The following TULP4 variants were observed in gnomAD, a reference collection of about 807,000 sequenced individuals.
TULP4 encodes TUB like protein 4, also known as tubby-related protein 4.
TULP4 carries 16 observed loss-of-function variants against 129.0 expected under a neutral mutation model. The ratio of observed to expected loss-of-function variants is 0.12; its 90% CI spans 0.08 to 0.19. The LOEUF (loss-of-function observed/expected upper bound fraction) is 0.19. TULP4 is among the 10% of genes least tolerant of loss of function. The pLI is 1.00. For synonymous variants in TULP4, 998 were observed against 854.0 expected (o/e 1.17, Z -2.94); for missense variants, 1,842 against 2,059.1 (o/e 0.89, Z 2.04).
chr6:158,264,884 G>A (rs6456148), intron 1 of TULP4, among the ~76,000 whole-genome samples: 59,692 of 151,932 alleles, frequency 0.39, 12,136 homozygotes, highest in Admixed American at 0.48. Context: ...ATGTGGAGCC[G>A]GGGGAGCTCC....
chr6:158,477,037 T>C (rs961071542), intron 6 of TULP4, among the ~76,000 whole-genome samples: 1 of 152,264 alleles, frequency 6.6e-6, no homozygotes, highest in Admixed American at 6.5e-5. Flanking sequence ...ACGGATGCAG[T>C]GAATTCAGGT....
intron 1 of TULP4, among the ~76,000 whole-genome samples, chr6:158,254,020 T>C (rs9356544): frequency 0.33 from 49,684 of 151,142 alleles, 9,134 homozygotes; most frequent in Admixed American, 0.45. Flanking sequence ...GCCTGGGTGA[T>C]AGAGCAAGAC....
chr6:158,431,933 C>T (rs1778637762), intron 3 of TULP4, among the ~76,000 whole-genome samples: 1 of 151,824 alleles, frequency 6.6e-6, no homozygotes, highest in African/African-American at 2.4e-5. Flanking sequence ...CTTTTACTAA[C>T]AGGTGGGATT....
chr6:158,377,682 G>A (rs186133539), intron 1 of TULP4, among the ~76,000 whole-genome samples: 29 of 152,244 alleles, frequency 1.9e-4, no homozygotes, highest in Non-Finnish European at 2.5e-4. Context: ...TGACTTCTGC[G>A]TGACCACATT....
rs376134920 is a variant in TULP4, at chr6:158,459,384, C to T, written c.860-2179C>T. Among the ~76,000 whole-genome samples the T allele has an allele frequency of 6.6e-5, 10 of 151,804 alleles. 1 individual carries two copies. Among genetic ancestry groups the T allele is most frequent in the African/African-American group, 2.2e-4 (9 of 41,350 alleles). ...GGCGGAGGTTGCAGTGAGCCGAGAT[C>T]GCGCCATTGTACTCCAGCCTGGGCA... On this transcript the variant is annotated intron_variant, in intron 5 of 13. Coordinates refer to ENST00000367097, the MANE Select transcript of TULP4 (RefSeq NM_020245.5).
At chr6:158,344,202 C>T (rs1780249814) in intron 1 of TULP4, among the ~76,000 whole-genome samples, 1 of 152,196 alleles carries the variant, frequency 6.6e-6, no homozygotes. Context: ...ACCACCTATC[C>T]CAAAACCTAT....
At chr6:158,368,851 A>G (rs2058606380) in intron 1 of TULP4, among the ~76,000 whole-genome samples, 1 of 152,182 alleles carries the variant, frequency 6.6e-6, no homozygotes, top group African/African-American at 2.4e-5. Flanking sequence ...GAAATTTAAC[A>G]TTTTTAATCT....
chr6:158,303,608 G>C (rs1302002390), intron 1 of TULP4, among the ~76,000 whole-genome samples: 2 of 152,230 alleles, frequency 1.3e-5, no homozygotes, highest in South Asian at 4.1e-4. Flanking sequence ...CTACTGGTAA[G>C]GGTCTCTGTT....
Position 158,502,733 on chromosome 6 carries a change from A to G in TULP4, c.3070A>G (p.Thr1024Ala), listed in dbSNP as rs1780489404. 3 of 1,575,738 alleles carry G rather than the reference A, an allele frequency of 1.9e-6. No homozygotes were observed. The highest frequency in any genetic ancestry group is 1.7e-6 in the Non-Finnish European group (2 of 1,164,288). Reference protein sequence around the residue: ...KSKGGPGGVVTQLPARPPPAL... With the variant: ...KSKGGPGGVVAQLPARPPPAL... Reference sequence around the variant, plus strand: ...CAAGGGCGGGCCCGGGGGGGTGGTGACACAGCTCCCAGCGCGGCCCCCACC... The same window carrying G: ...CAAGGGCGGGCCCGGGGGGGTGGTGGCACAGCTCCCAGCGCGGCCCCCACC... The change falls in exon 13 of 14, where the codon ACA becomes GCA. Residue 1024 changes from threonine to alanine, a missense_variant. Around this residue, in one of 5 missense-constraint regions of TULP4, gnomAD observed 1,089 missense variants for 987.1 expected, o/e 1.10. Coordinates refer to ENST00000367097, the MANE Select transcript of TULP4 (RefSeq NM_020245.5).
At chr6:158,432,538 T>G (rs747626654) in intron 3 of TULP4, among the ~76,000 whole-genome samples, 9 of 152,202 alleles carry the variant, frequency 5.9e-5, no homozygotes, top group Non-Finnish European at 1.2e-4. Flanking sequence ...TAGTGGGATT[T>G]TAGGCTACTT....
chr6:158,317,146 G>A (rs1354083468), intron 1 of TULP4, among the ~76,000 whole-genome samples: 3 of 150,466 alleles, frequency 2.0e-5, no homozygotes, highest in African/African-American at 4.9e-5. Flanking sequence ...TGCTGAAACT[G>A]TTTTGCATGA....
intron 8 of TULP4, among the ~76,000 whole-genome samples, chr6:158,483,607 C>T (rs1483226765): frequency 6.6e-6 from 1 of 152,162 alleles, no homozygotes; most frequent in Non-Finnish European, 1.5e-5. Flanking sequence ...ACCACCATGC[C>T]TGTCCCCAAA....
intron 1 of TULP4, among the ~76,000 whole-genome samples, chr6:158,293,961 A>G (rs827869): frequency 0.13 from 20,242 of 152,190 alleles, 1,712 homozygotes; most frequent in African/African-American, 0.23. Flanking sequence ...AATTTGAACC[A>G]GCCTCGGGGC....
At chr6:158,463,494 T>C (rs1779488251) in intron 6 of TULP4, among the ~76,000 whole-genome samples, 1 of 151,642 alleles carries the variant, frequency 6.6e-6, no homozygotes, top group Admixed American at 6.6e-5. Flanking sequence ...CAGGGCCTGT[T>C]GTAGGGTGGG....
intron 1 of TULP4, among the ~76,000 whole-genome samples, chr6:158,318,899 ATTTTTTTTT>A (rs56898948): frequency 0.86 from 117,925 of 136,994 alleles, 50,779 homozygotes; most frequent in South Asian, 0.92. Context: ...CTAGTTACAA[ATTTTTTTTT>A]TTTTTTTTTT....
At chr6:158,348,243 A>G (rs1246497183) in intron 1 of TULP4, among the ~76,000 whole-genome samples, 2 of 138,152 alleles carry the variant, frequency 1.4e-5, no homozygotes, top group Admixed American at 8.0e-5. Flanking sequence ...TGGCAGGGTC[A>G]TAGGATAATA....
chr6:158,472,402 T>A (rs1320446660), intron 6 of TULP4, among the ~76,000 whole-genome samples: 1 of 152,202 alleles, frequency 6.6e-6, no homozygotes, highest in Non-Finnish European at 1.5e-5. Flanking sequence ...TACCTCAGCA[T>A]TTCAATAAAT....
At chr6:158,303,778 C>T (rs1779168765) in intron 1 of TULP4, among the ~76,000 whole-genome samples, 1 of 152,218 alleles carries the variant, frequency 6.6e-6, no homozygotes, top group South Asian at 2.1e-4. Flanking sequence ...TTCAGTAATA[C>T]TAGTAATACC....
chr6:158,347,821 C>T (rs1423265050), intron 1 of TULP4, among the ~76,000 whole-genome samples: 1 of 152,120 alleles, frequency 6.6e-6, no homozygotes, highest in Non-Finnish European at 1.5e-5. Flanking sequence ...CCTTTTTTAT[C>T]ACTATTAGAT....
Sources: gnomAD v4.1 joint callset for allele counts (sites outside exome capture counted in the v4.1 genomes callset) on GRCh38, gnomAD v4.1.1 for gene constraint, gnomAD v4.1.1 regional missense constraint, MANE v1.5 for transcripts, NCBI Gene and HGNC (gene_info 2026-07-23, HGNC 2026-07-21) for gene names.